Variants in TDRD5 observed in about 807,000 individuals in gnomAD.
TDRD5 encodes the protein tudor domain-containing protein 5.
Under a neutral mutation model 120.6 loss-of-function variants are expected in TDRD5, and 41 were observed. That is an observed-to-expected ratio of 0.34 (90% CI 0.26 to 0.44). The LOEUF (loss-of-function observed/expected upper bound fraction) is 0.44, where lower values mean the gene tolerates loss of function less well. Among genes scored for constraint, TDRD5 ranks in the 20% least tolerant of loss-of-function variants. The pLI is 1.00. For missense variants in TDRD5, 1,006 were observed against 1,221.2 expected, an observed-to-expected ratio of 0.82 and a Z score of 2.63; for synonymous variants, 430 against 433.7, an observed-to-expected ratio of 0.99 and a Z score of 0.11.
intron 14 of TDRD5, 148 bp from the exon 15 acceptor site, chr1:179,661,956 G>A: frequency 3.1e-6 from 2 of 644,136 alleles, no homozygotes; most frequent in South Asian, 6.5e-5. Context: ...TTATTATTTT[G>A]GTGGCATTTC....
intron 6 of TDRD5, among the ~76,000 whole-genome samples, chr1:179,626,525 C>G (rs1037848386): frequency 6.6e-6 from 1 of 152,060 alleles, no homozygotes; most frequent in Admixed American, 6.6e-5. Context: ...CATTTCACTG[C>G]GTGTAAATTT....
intron 10 of TDRD5, 119 bp from the exon 11 acceptor site, chr1:179,640,260 A>AT: frequency 8.3e-7 from 1 of 1,207,414 alleles, no homozygotes; most frequent in African/African-American, 1.5e-5. Context: ...TGAATTTTGA[A>AT]TGGACGATGA....
intron 12 of TDRD5, 150 bp downstream of exon 12, chr1:179,651,217 C>A (rs1678694782): frequency 2.4e-6 from 2 of 816,734 alleles, no homozygotes; most frequent in African/African-American, 1.7e-5. Context: ...GCAGAGCACT[C>A]TTAATTTTCA....
At chr1:179,606,404 C>A (rs1056601650) in intron 4 of TDRD5, among the ~76,000 whole-genome samples, 2 of 151,878 alleles carry the variant, frequency 1.3e-5, no homozygotes, top group Admixed American at 1.3e-4. Context: ...ATTTCTCAAT[C>A]TTTTGACTTG....
intron 7 of TDRD5, among the ~76,000 whole-genome samples, chr1:179,631,572 G>A (rs748983801): frequency 6.6e-6 from 1 of 152,166 alleles, no homozygotes; most frequent in Non-Finnish European, 1.5e-5. Context: ...CCCAGCACTT[G>A]TATTTTTTAA....
At chr1:179,642,591 C>T (rs111865753) in intron 11 of TDRD5, among the ~76,000 whole-genome samples, 3,195 of 152,244 alleles carry the variant, frequency 0.021, 100 homozygotes, top group African/African-American at 0.071. Context: ...TCATTGTCAC[C>T]TTGTTTTATC....
chr1:179,641,969 A>G (rs900136649), intron 11 of TDRD5, among the ~76,000 whole-genome samples: 3 of 151,918 alleles, frequency 2.0e-5, no homozygotes, highest in Non-Finnish European at 2.9e-5. Context: ...TCTTTTTACT[A>G]TTTTGCCATC....
intron 4 of TDRD5, among the ~76,000 whole-genome samples, chr1:179,614,744 AG>A (rs945128615): frequency 2.0e-5 from 3 of 151,186 alleles, no homozygotes; most frequent in African/African-American, 7.3e-5. Flanking sequence ...CACTCGGGGG[AG>A]GGGGGGTTTA....
intron 4 of TDRD5, among the ~76,000 whole-genome samples, chr1:179,601,200 G>T (rs1675690872): frequency 6.6e-6 from 1 of 152,008 alleles, no homozygotes; most frequent in South Asian, 2.1e-4. Flanking sequence ...TTATAGATTT[G>T]TCTATTTTAC....
intron 4 of TDRD5, among the ~76,000 whole-genome samples, chr1:179,612,708 G>T (rs140167425): frequency 2.0e-5 from 3 of 152,084 alleles, no homozygotes; most frequent in African/African-American, 7.2e-5. Flanking sequence ...GCGGAGGTGG[G>T]TGGATCATTT....
rs74132223 is a variant in TDRD5 at position 179,637,872 on chromosome 1, C to G, written c.1521-1967C>G. 6.1e-3 allele frequency among the ~76,000 whole-genome samples: 931 copies of G among 152,264 alleles called. 11 individuals carry two copies. Among genetic ancestry groups the G allele is most frequent in the African/African-American group, 0.021 (884 of 41,540 alleles). ...TACATGGGATATTATAAAAGGGAGT[C>G]GTTCTGCCTGGGCAAGGTTGAGGAA... is the stretch of plus-strand genomic sequence containing the variant. On this transcript the variant is annotated intron_variant, in intron 9 of 17. Coordinates refer to ENST00000444136, the MANE Select transcript of TDRD5 (RefSeq NM_001199085.3).
chr1:179,633,551 C>A (rs1354699079), intron 7 of TDRD5, among the ~76,000 whole-genome samples: 1 of 151,870 alleles, frequency 6.6e-6, no homozygotes, highest in Non-Finnish European at 1.5e-5. Flanking sequence ...GGGGTTTCAT[C>A]ATATTGGCCA....
intron 5 of TDRD5, among the ~76,000 whole-genome samples, chr1:179,619,560 T>C (rs1052661742): frequency 2.6e-5 from 4 of 152,134 alleles, no homozygotes; most frequent in Non-Finnish European, 4.4e-5. Context: ...ATTCAGGCCC[T>C]GTTTTTTTGT....
chr1:179,639,776 G>C, intron 9 of TDRD5, 63 bp from the exon 10 acceptor site: 1 of 1,546,898 alleles, frequency 6.5e-7, no homozygotes, highest in Non-Finnish European at 8.8e-7. Context: ...TTGATACATT[G>C]ATAAAAATTA....
chr1:179,625,143 AAAG>A lies in TDRD5; in HGVS notation c.972+4055_972+4057del, dbSNP rs1412690558. 2.0e-5 allele frequency among the ~76,000 whole-genome samples: 3 copies of A among 151,838 alleles called. No homozygotes were observed. The East Asian group carries it at 5.8e-4, about 29-fold the overall frequency. On this transcript the variant is annotated intron_variant, in intron 6 of 17. Coordinates refer to ENST00000444136, the MANE Select transcript of TDRD5 (RefSeq NM_001199085.3). ...TACAACTGAATACAAAAAAAAAAAA[AAAG>A]AATCCCAACCCCAACCCGACACCAT...
intron 6 of TDRD5, among the ~76,000 whole-genome samples, chr1:179,627,054 A>C (rs189214771): frequency 6.6e-6 from 1 of 152,228 alleles, no homozygotes; most frequent in Non-Finnish European, 1.5e-5. Context: ...AAAGGAAACA[A>C]AAGTTAAATT....
chr1:179,674,689 GT>G (rs1680028985), intron 17 of TDRD5, among the ~76,000 whole-genome samples: 1 of 151,980 alleles, frequency 6.6e-6, no homozygotes, highest in Admixed American at 6.6e-5. Context: ...TTTGTTGACA[GT>G]TTTTTTTATT....
intron 17 of TDRD5, among the ~76,000 whole-genome samples, chr1:179,672,279 A>T (rs10913854): frequency 6.8e-6 from 1 of 147,446 alleles, no homozygotes; most frequent in Non-Finnish European, 1.5e-5. Flanking sequence ...AACATCTATT[A>T]TTTTTTTATT....
intron 4 of TDRD5, among the ~76,000 whole-genome samples, chr1:179,611,500 A>G (rs1349131212): frequency 2.0e-5 from 3 of 152,130 alleles, no homozygotes; most frequent in Non-Finnish European, 4.4e-5. Flanking sequence ...AGACTACCCT[A>G]CCATTTATGA....
Sources: allele counts gnomAD v4.1 joint callset (sites outside exome capture counted in the v4.1 genomes callset), GRCh38; gene constraint gnomAD v4.1.1; transcripts MANE v1.5; gene names NCBI Gene and HGNC (gene_info 2026-07-23, HGNC 2026-07-21).